KLF12: variants seen among roughly 807,000 people sequenced by gnomAD.
KLF12 encodes the protein Krueppel-like factor 12.
KLF12 carries 9 observed loss-of-function variants against 37.8 expected under a neutral mutation model. The observed-to-expected ratio is 0.24, with a 90% CI of 0.14 to 0.42. The LOEUF is 0.42. KLF12 is among the 10% of genes least tolerant of loss of function. KLF12 has a pLI of 1.00. For synonymous variants in KLF12, 208 were observed against 202.1 expected, an observed-to-expected ratio of 1.03 and a Z score of -0.25; for missense variants, 411 against 516.0, an observed-to-expected ratio of 0.80 and a Z score of 1.97.
intron 2 of KLF12, among the ~76,000 whole-genome samples, chr13:73,991,390 A>G (rs747685861): frequency 1.5e-4 from 23 of 152,244 alleles, no homozygotes; most frequent in South Asian, 4.1e-4. Flanking sequence ...CTTTGAGGGC[A>G]CTTCGATTTC....
chr13:73,737,603 C>T (rs1238918065), intron 6 of KLF12, among the ~76,000 whole-genome samples: 2 of 152,078 alleles, frequency 1.3e-5, no homozygotes, highest in African/African-American at 4.8e-5. Flanking sequence ...GAATCAGGTA[C>T]GAAGTTCATA....
intron 3 of KLF12, among the ~76,000 whole-genome samples, chr13:73,887,819 T>C (rs376968367): frequency 6.6e-6 from 1 of 152,220 alleles, no homozygotes; most frequent in East Asian, 1.9e-4. Context: ...TGGTCAAGTA[T>C]TACCTCCATG....
intron 5 of KLF12, among the ~76,000 whole-genome samples, chr13:73,795,790 A>G (rs954763504): frequency 6.6e-6 from 1 of 152,188 alleles, no homozygotes; most frequent in African/African-American, 2.4e-5. Flanking sequence ...GGACAAACCA[A>G]GACTCAACAT....
chr13:74,237,922 AC>A, the KLF12 span, among the ~76,000 whole-genome samples: 35 of 151,750 alleles, frequency 2.3e-4, no homozygotes, highest in African/African-American at 8.0e-4. Context: ...CTAATTGAAT[AC>A]CCTTTATTTC....
intron 1 of KLF12, among the ~76,000 whole-genome samples, chr13:74,021,519 A>G (rs1417211372): frequency 1.3e-5 from 2 of 152,144 alleles, no homozygotes; most frequent in Non-Finnish European, 2.9e-5. Context: ...GCAGCATAGC[A>G]TAATAGATCC....
At chr13:73,711,322 T>C (rs1447404683) in intron 7 of KLF12, among the ~76,000 whole-genome samples, 4 of 152,244 alleles carry the variant, frequency 2.6e-5, no homozygotes, top group African/African-American at 9.6e-5. Context: ...ATGTAGATGA[T>C]ATACCCTCCT....
At chr13:74,088,875 T>G (rs1293819455) in intron 1 of KLF12, among the ~76,000 whole-genome samples, 1 of 152,202 alleles carries the variant, frequency 6.6e-6, no homozygotes, top group Non-Finnish European at 1.5e-5. Context: ...TGACTAAAGA[T>G]ATAAACTTCA....
intron 3 of KLF12, among the ~76,000 whole-genome samples, chr13:73,875,344 T>C (rs2148749): frequency 0.81 from 123,399 of 152,068 alleles, 50,281 homozygotes; most frequent in East Asian, 0.91. Context: ...TCTAATATTT[T>C]TGAAAATTTC....
chr13:74,206,299 G>T, the KLF12 span, among the ~76,000 whole-genome samples: 2 of 152,148 alleles, frequency 1.3e-5, no homozygotes, highest in African/African-American at 4.8e-5. Flanking sequence ...TAGAAGGAGT[G>T]ATGGCTGTGT....
the KLF12 span, among the ~76,000 whole-genome samples, chr13:74,245,975 G>T: frequency 6.6e-6 from 1 of 152,188 alleles, no homozygotes; most frequent in Non-Finnish European, 1.5e-5. Flanking sequence ...ACTAGTAGAA[G>T]GGTTATTGTT....
the KLF12 span, among the ~76,000 whole-genome samples, chr13:74,263,643 G>C: frequency 0.041 from 6,290 of 152,250 alleles, 145 homozygotes; most frequent in Middle Eastern, 0.071. Context: ...CTGTCACTGA[G>C]GCAGGAGAAT....
intron 3 of KLF12, among the ~76,000 whole-genome samples, chr13:73,875,617 A>G (rs1219741576): frequency 6.6e-6 from 1 of 152,114 alleles, no homozygotes; most frequent in East Asian, 1.9e-4. Context: ...CATTTACCCT[A>G]TTAAATGTGT....
chr13:74,096,536 A>G (rs1028434953), intron 1 of KLF12, among the ~76,000 whole-genome samples: 3 of 152,236 alleles, frequency 2.0e-5, no homozygotes, highest in African/African-American at 4.8e-5. Flanking sequence ...TGATCTCTTC[A>G]GAGAAACTAT....
At chr13:73,825,983 T>C (rs1883816784) in intron 4 of KLF12, among the ~76,000 whole-genome samples, 1 of 152,152 alleles carries the variant, frequency 6.6e-6, no homozygotes, top group African/African-American at 2.4e-5. Flanking sequence ...CAACATTTTT[T>C]TTTTTTTGAG....
the KLF12 span, among the ~76,000 whole-genome samples, chr13:74,302,152 G>A: frequency 2.0e-5 from 3 of 152,084 alleles, no homozygotes; most frequent in African/African-American, 7.2e-5. Context: ...CTAGGCTATT[G>A]AACTTTCAGG....
chr13:73,960,260 A>G (rs536537610), intron 2 of KLF12: 3 of 184,354 alleles, frequency 1.6e-5, no homozygotes, highest in African/African-American at 7.1e-5. Context: ...AGTGAAAAAA[A>G]CAGTATGTTC....
intron 2 of KLF12, chr13:73,960,540 A>T (rs1379014278): frequency 2.2e-5 from 4 of 183,244 alleles, no homozygotes; most frequent in Admixed American, 5.7e-5. Context: ...CAGGTTAGCA[A>T]TCATAAAGTG....
intron 3 of KLF12, among the ~76,000 whole-genome samples, chr13:73,930,522 T>G (rs1413698467): frequency 1.3e-5 from 2 of 152,256 alleles, no homozygotes; most frequent in Non-Finnish European, 2.9e-5. Flanking sequence ...ATCATTCATT[T>G]AACTGTCACA....
intron 1 of KLF12, among the ~76,000 whole-genome samples, chr13:74,036,988 G>T (rs1358828315): frequency 6.6e-6 from 1 of 151,948 alleles, no homozygotes; most frequent in Non-Finnish European, 1.5e-5. Context: ...GGTGGATCAC[G>T]AGGTCAGGAG....
Sources: allele counts gnomAD v4.1 joint callset (sites outside exome capture counted in the v4.1 genomes callset), GRCh38; gene constraint gnomAD v4.1.1; transcripts MANE v1.5; gene names NCBI Gene and HGNC (gene_info 2026-07-23, HGNC 2026-07-21).